CDH9: variants seen among roughly 807,000 people sequenced by gnomAD.
CDH9 encodes cadherin 9.
CDH9 carries 28 observed loss-of-function variants against 70.9 expected under a neutral mutation model. The ratio of observed to expected loss-of-function variants is 0.40; its 90% CI spans 0.29 to 0.54. The LOEUF is 0.54. Ranked by LOEUF, CDH9 falls within the 20% of genes least tolerant of loss-of-function variation. The pLI, the probability that CDH9 is intolerant of heterozygous loss-of-function variation, is 0.59. For synonymous variants in CDH9, 409 were observed against 343.1 expected, an observed-to-expected ratio of 1.19 and a Z score of -2.12; for missense variants, 874 against 984.4, an observed-to-expected ratio of 0.89 and a Z score of 1.50.
intron 1 of CDH9, among the ~76,000 whole-genome samples, chr5:27,023,384 T>C (rs1046955491): frequency 6.6e-6 from 1 of 152,104 alleles, no homozygotes; most frequent in Non-Finnish European, 1.5e-5. Flanking sequence ...GTGAATTCAA[T>C]GGTACTCATT....
rs556759801 is a variant in CDH9 at position 26,935,436 on chromosome 5, G to T, written c.229-19512C>A. The stretch of plus-strand genomic sequence containing the variant: ...AATAAGTACACAGATTGTGAAGGAA[G>T]AAATAAAACTCTCTTTGTGCACATA... On this transcript the variant is annotated intron_variant, in intron 2 of 11. Transcript: ENST00000231021. Among the ~76,000 whole-genome samples the T allele has an allele frequency of 5.7e-4, 86 of 152,164 alleles. 1 individual carries two copies. Among genetic ancestry groups the T allele is most frequent in the African/African-American group, 2.0e-3 (85 of 41,540 alleles).
intron 2 of CDH9, among the ~76,000 whole-genome samples, chr5:26,987,091 C>CTTTTTT (rs201154706): frequency 8.3e-5 from 9 of 108,282 alleles, no homozygotes; most frequent in African/African-American, 2.4e-4. Context: ...CACTTGTATT[C>CTTTTTT]TTTTTTTTTT....
chr5:26,994,966 G>GA (rs1033459537), intron 1 of CDH9, among the ~76,000 whole-genome samples: 59 of 152,108 alleles, frequency 3.9e-4, no homozygotes, highest in African/African-American at 1.4e-3. Context: ...ACAACCTTTT[G>GA]AAAAATAGCT....
intron 2 of CDH9, among the ~76,000 whole-genome samples, chr5:26,972,927 G>A (rs1037581911): frequency 4.0e-5 from 6 of 150,676 alleles, no homozygotes; most frequent in African/African-American, 4.9e-5. Flanking sequence ...GCAGTGGCAC[G>A]ATCTCAGCTC....
At chr5:26,898,930 A>G (rs571986406) in intron 7 of CDH9, among the ~76,000 whole-genome samples, 11 of 152,334 alleles carry the variant, frequency 7.2e-5, no homozygotes, top group Admixed American at 5.9e-4. Context: ...CATCTGACAA[A>G]GAGCTAATAT....
In CDH9 at chr5:26,881,254, C is replaced by T; in HGVS notation, c.2252G>A (p.Ser751Asn). 2 of 1,613,446 alleles carry T rather than the reference C, an allele frequency of 1.2e-6. No homozygotes were observed. Among genetic ancestry groups the T allele is most frequent in the South Asian group, 2.2e-5 (2 of 91,080 alleles). Residue 751 changes from serine to asparagine, a missense_variant, in exon 12 of 12, where the codon AGT becomes AAT. Ser to Asn is a conservative substitution (Grantham distance 46). Transcript: ENST00000231021. ...EGNDSIADSLSSLESLTADCN... is the reference protein window; with the variant it reads ...EGNDSIADSLNSLESLTADCN... Reference sequence around the variant, plus strand: ...ATCAGCTGTGAGAGATTCCAAAGAACTGAGCGAATCTGCTATGGAATCATT... The same window carrying T: ...ATCAGCTGTGAGAGATTCCAAAGAATTGAGCGAATCTGCTATGGAATCATT...
chr5:26,967,611 A>G (rs2112069252), intron 2 of CDH9, among the ~76,000 whole-genome samples: 1 of 152,288 alleles, frequency 6.6e-6, no homozygotes, highest in African/African-American at 2.4e-5. Context: ...AAGCCACACA[A>G]ATAAAAATGC....
At chr5:27,035,309 A>T (rs1743373351) in intron 1 of CDH9, among the ~76,000 whole-genome samples, 1 of 151,430 alleles carries the variant, frequency 6.6e-6, no homozygotes, top group African/African-American at 2.4e-5. Flanking sequence ...AATTTTATGT[A>T]AACATCTAAA....
intron 1 of CDH9, among the ~76,000 whole-genome samples, chr5:27,013,871 T>C (rs551450346): frequency 5.9e-5 from 9 of 152,044 alleles, no homozygotes; most frequent in African/African-American, 2.2e-4. Flanking sequence ...CCATACAAAA[T>C]GAAAATTCAG....
At chr5:26,911,700 GA>G (rs1741056670) in intron 3 of CDH9, among the ~76,000 whole-genome samples, 1 of 151,844 alleles carries the variant, frequency 6.6e-6, no homozygotes, top group Non-Finnish European at 1.5e-5. Context: ...AATAGAAATG[GA>G]AAATACAAAA....
chr5:26,990,924 G>A lies in CDH9; in HGVS notation c.-49-2542C>T, dbSNP rs138045926. Among the ~76,000 whole-genome samples the A allele has an allele frequency of 1.6e-3, 248 of 152,254 alleles. 2 individuals are homozygous for A. In the Middle Eastern group the frequency reaches 0.017, roughly 10 times the overall value. On this transcript the variant is annotated intron_variant, in intron 1 of 11. Transcript: ENST00000231021. The stretch of plus-strand genomic sequence containing the variant: ...TTGTGTGGAACATAGGCCTTTGAGC[G>A]GAATAATCTAGTTTTATGAGATGGG...
chr5:26,984,746 T>C (rs1441784009), intron 2 of CDH9, among the ~76,000 whole-genome samples: 2 of 152,140 alleles, frequency 1.3e-5, no homozygotes, highest in Non-Finnish European at 2.9e-5. Context: ...ATGACAATTA[T>C]TATGACTTTT....
chr5:27,014,804 T>C (rs1028056531), intron 1 of CDH9, among the ~76,000 whole-genome samples: 18 of 152,038 alleles, frequency 1.2e-4, no homozygotes, highest in African/African-American at 4.1e-4. Context: ...TTTATTTTTA[T>C]CCTGATCTGC....
At chr5:27,010,410 T>C (rs1484268693) in intron 1 of CDH9, among the ~76,000 whole-genome samples, 1 of 152,156 alleles carries the variant, frequency 6.6e-6, no homozygotes, top group East Asian at 1.9e-4. Context: ...GAGATATTTG[T>C]ATCTTTCCTG....
chr5:26,942,273 A>G (rs1455188659), intron 2 of CDH9, among the ~76,000 whole-genome samples: 7 of 151,984 alleles, frequency 4.6e-5, no homozygotes, highest in Admixed American at 2.0e-4. Flanking sequence ...GGCAGTAACC[A>G]CCCCCACAAT....
intron 1 of CDH9, among the ~76,000 whole-genome samples, chr5:27,013,593 T>A (rs2112117621): frequency 6.6e-6 from 1 of 152,008 alleles, no homozygotes; most frequent in South Asian, 2.1e-4. Flanking sequence ...ATGGGCTTTT[T>A]CCTTTGCCAT....
At chr5:26,902,328 C>T (rs757869018) in intron 7 of CDH9, 148 bp downstream of exon 7, 16 of 603,718 alleles carry the variant, frequency 2.7e-5, no homozygotes, top group Non-Finnish European at 4.1e-5. Flanking sequence ...ATTGTGCAAC[C>T]ATTTTTTCAC....
intron 2 of CDH9, among the ~76,000 whole-genome samples, chr5:26,982,673 G>GT (rs969097051): frequency 5.9e-5 from 9 of 151,700 alleles, no homozygotes; most frequent in East Asian, 5.8e-4. Flanking sequence ...CTATGAATAA[G>GT]TTTTTTTTGT....
chr5:26,998,266 T>C (rs1343252339), intron 1 of CDH9, among the ~76,000 whole-genome samples: 3 of 152,090 alleles, frequency 2.0e-5, no homozygotes, highest in African/African-American at 7.2e-5. Flanking sequence ...ATTCTGTAGG[T>C]TGCCTATTCA....
Sources: allele counts gnomAD v4.1 joint callset (sites outside exome capture counted in the v4.1 genomes callset), GRCh38; gene constraint gnomAD v4.1.1; transcripts MANE v1.5; gene names NCBI Gene and HGNC (gene_info 2026-07-23, HGNC 2026-07-21).